The following TEAD1 variants were observed in gnomAD, a reference collection of about 807,000 sequenced individuals.
The protein encoded by TEAD1 is TEA domain transcription factor 1, also known as transcriptional enhancer factor TEF-1.
Under a neutral mutation model 54.9 loss-of-function variants are expected in TEAD1, and 9 were observed. The ratio of observed to expected loss-of-function variants is 0.16; its 90% CI spans 0.10 to 0.29. The LOEUF (loss-of-function observed/expected upper bound fraction) is 0.29, where lower values mean the gene tolerates loss of function less well. Ranked by LOEUF, TEAD1 falls within the 10% of genes least tolerant of loss-of-function variation. The pLI is 1.00. For synonymous variants in TEAD1, 200 were observed against 187.8 expected, an observed-to-expected ratio of 1.07 and a Z score of -0.53; for missense variants, 387 against 535.9, an observed-to-expected ratio of 0.72 and a Z score of 2.74.
intron 5 of TEAD1, chr11:12,878,925 A>G: frequency 7.8e-7 from 1 of 1,285,392 alleles, no homozygotes; most frequent in Non-Finnish European, 1.0e-6. Flanking sequence ...CAAACTGAGT[A>G]TTCTGTATTT....
intron 3 of TEAD1, among the ~76,000 whole-genome samples, chr11:12,778,363 A>T (rs113768051): frequency 2.7e-3 from 408 of 152,078 alleles, no homozygotes; most frequent in African/African-American, 9.4e-3. Context: ...GGTGTCTGGG[A>T]TACCGTTCAT....
At chr11:12,865,014 G>A in intron 5 of TEAD1, 114 bp downstream of exon 5, 3 of 1,151,242 alleles carry the variant, frequency 2.6e-6, no homozygotes, top group South Asian at 1.2e-5. Context: ...TTCCTTGCAT[G>A]TGAGAGCTGT....
chr11:12,866,696 T>C (rs1234837201), intron 5 of TEAD1, among the ~76,000 whole-genome samples: 1 of 152,194 alleles, frequency 6.6e-6, no homozygotes, highest in Admixed American at 6.5e-5. Context: ...GGCTCAGCAT[T>C]TAAGCTCCAA....
intron 8 of TEAD1, among the ~76,000 whole-genome samples, chr11:12,882,420 C>T (rs1157320514): frequency 6.6e-6 from 1 of 152,094 alleles, no homozygotes; most frequent in African/African-American, 2.4e-5. Flanking sequence ...GTCTCCTTCC[C>T]CACAAGGCGC....
chr11:12,787,658 GCTTTA>G lies in TEAD1; in HGVS notation c.202+23231_202+23235del, dbSNP rs557725094. 1.1e-4 allele frequency among the ~76,000 whole-genome samples: 17 copies of G among 152,226 alleles called. No homozygotes were observed. In the South Asian group the frequency reaches 3.5e-3, roughly 32 times the overall value. ...GGCTATATAATATAGAACTTTCTCG[GCTTTA>G]CTTTACCAAAGCAGTCTGATTTAAA... On this transcript the variant is annotated intron_variant, in intron 3 of 12. Coordinates refer to ENST00000527636, the MANE Select transcript of TEAD1 (RefSeq NM_021961.6).
At chr11:12,796,815 A>AAT (rs1005923894) in intron 3 of TEAD1, among the ~76,000 whole-genome samples, 7 of 151,000 alleles carry the variant, frequency 4.6e-5, no homozygotes, top group Non-Finnish European at 7.4e-5. Flanking sequence ...AGCACCCCTT[A>AAT]ATATCTACAG....
chr11:12,837,888 T>G (rs1470716271), intron 3 of TEAD1, among the ~76,000 whole-genome samples: 1 of 150,280 alleles, frequency 6.7e-6, no homozygotes, highest in Admixed American at 6.6e-5. Flanking sequence ...GTGAAACCTC[T>G]GCCTCCAGAG....
At chr11:12,869,022 T>C (rs1947683937) in intron 5 of TEAD1, among the ~76,000 whole-genome samples, 1 of 152,122 alleles carries the variant, frequency 6.6e-6, no homozygotes, top group Non-Finnish European at 1.5e-5. Context: ...AGAATTTCCA[T>C]AAAGTTGGGA....
intron 2 of TEAD1, among the ~76,000 whole-genome samples, chr11:12,699,116 G>A (rs895378536): frequency 9.2e-5 from 14 of 152,146 alleles, no homozygotes; most frequent in Non-Finnish European, 1.9e-4. Flanking sequence ...TAAGGAGCGA[G>A]GTAGGAATCT....
At chr11:12,903,977 T>C (rs954352156) in intron 10 of TEAD1, among the ~76,000 whole-genome samples, 8 of 152,222 alleles carry the variant, frequency 5.3e-5, no homozygotes, top group African/African-American at 1.4e-4. Context: ...AGATCAGTTA[T>C]ATGGTAACAG....
At chr11:12,853,171 A>G (rs1404782202) in intron 3 of TEAD1, among the ~76,000 whole-genome samples, 1 of 152,102 alleles carries the variant, frequency 6.6e-6, no homozygotes, top group African/African-American at 2.4e-5. Context: ...CTGGACCTGG[A>G]AAGATTTTCC....
intron 2 of TEAD1, among the ~76,000 whole-genome samples, chr11:12,709,309 G>A (rs868519516): frequency 1.8e-4 from 28 of 151,572 alleles, no homozygotes; most frequent in African/African-American, 6.1e-4. Flanking sequence ...CTGCACTCCA[G>A]CCTGGATGAT....
intron 2 of TEAD1, among the ~76,000 whole-genome samples, chr11:12,734,489 A>G (rs1944487482): frequency 6.6e-6 from 1 of 152,190 alleles, no homozygotes; most frequent in Admixed American, 6.5e-5. Flanking sequence ...GTACAGTAAT[A>G]TCCTAGGCCT....
chr11:12,876,776 T>C (rs2134089841), intron 5 of TEAD1, among the ~76,000 whole-genome samples: 1 of 152,286 alleles, frequency 6.6e-6, no homozygotes, highest in South Asian at 2.1e-4. Flanking sequence ...CCAAAGTGAC[T>C]GGTCTAAGAG....
intron 2 of TEAD1, among the ~76,000 whole-genome samples, chr11:12,687,882 C>T (rs867127718): frequency 2.6e-5 from 4 of 152,140 alleles, no homozygotes; most frequent in African/African-American, 9.7e-5. Context: ...GGGGGCAGGA[C>T]TCCTCCGGGC....
At chr11:12,850,500 C>G (rs1448337757) in intron 3 of TEAD1, among the ~76,000 whole-genome samples, 1 of 152,190 alleles carries the variant, frequency 6.6e-6, no homozygotes. Context: ...TTTTCTGTTA[C>G]TAATGCATAC....
At chr11:12,885,527 G>A (rs1358836322) in intron 9 of TEAD1, among the ~76,000 whole-genome samples, 2 of 151,974 alleles carry the variant, frequency 1.3e-5, no homozygotes, top group African/African-American at 2.4e-5. Context: ...GTGAGGCACC[G>A]CACCCGGGCT....
Position 12,887,077 on chromosome 11 carries a change from TTTTGTTTTTTTTTTTG to T in TEAD1, c.699+3968_699+3983del, listed in dbSNP as rs71037092. Among the ~76,000 whole-genome samples, 228 of 38,888 alleles carry T rather than the reference TTTTGTTTTTTTTTTTG, an allele frequency of 5.9e-3. 2 individuals carry two copies. In the South Asian group the frequency reaches 0.099, roughly 17 times the overall value. The allele number at this position is 38,888 out of a possible 152,430, so 25.5% of individuals were successfully genotyped here. A position where few individuals can be genotyped will look rare whatever the true frequency, so the allele number is the denominator to read the frequency against. On this transcript the variant is annotated intron_variant, in intron 9 of 12. Coordinates refer to ENST00000527636, the MANE Select transcript of TEAD1 (RefSeq NM_021961.6). ...TATATGCAAATGAATGTGGAAGTTT[TTTTGTTTTTTTTTTTG>T]TTTGTTTTTTTTTTTTTTGGAGACA...
At chr11:12,775,456 A>G (rs1299595414) in intron 3 of TEAD1, among the ~76,000 whole-genome samples, 1 of 152,036 alleles carries the variant, frequency 6.6e-6, no homozygotes, top group Non-Finnish European at 1.5e-5. Context: ...TCAGTTCCTC[A>G]CTCATCTGCT....
Sources: allele counts gnomAD v4.1 joint callset (sites outside exome capture counted in the v4.1 genomes callset), GRCh38; gene constraint gnomAD v4.1.1; transcripts MANE v1.5; gene names NCBI Gene and HGNC (gene_info 2026-07-23, HGNC 2026-07-21).